GIMAP2: variants seen among roughly 807,000 people sequenced by gnomAD.
GIMAP2 encodes GTPase, IMAP family member 2, also known as GTPase IMAP family member 2.
Under a neutral mutation model 25.5 loss-of-function variants are expected in GIMAP2, and 22 were observed. The observed-to-expected ratio is 0.86, with a 90% CI of 0.62 to 1.23. GIMAP2 has a LOEUF of 1.23. GIMAP2 is among the 50% of genes most tolerant of loss of function. GIMAP2 has a pLI of 0.00. For missense variants in GIMAP2, 422 were observed against 395.7 expected (o/e 1.07, Z -0.56); for synonymous variants, 167 against 143.0 (o/e 1.17, Z -1.20).
At chr7:150,688,928 CT>C (rs1796935592) in intron 2 of GIMAP2, among the ~76,000 whole-genome samples, 1 of 152,236 alleles carries the variant, frequency 6.6e-6, no homozygotes, top group African/African-American at 2.4e-5. Flanking sequence ...CATGGCACCC[CT>C]GGCTTCCTCT....
chr7:150,687,174 TTGG>T, intron 2 of GIMAP2, 87 bp downstream of exon 2: 4 of 1,173,646 alleles, frequency 3.4e-6, no homozygotes, highest in Non-Finnish European at 5.0e-6. Flanking sequence ...TCTGATGATG[TTGG>T]GGCAAAATAA....
chr7:150,692,220 G>A (rs1585208302), intron 2 of GIMAP2, 95 bp from the exon 3 acceptor site: 34 of 1,233,520 alleles, frequency 2.8e-5, no homozygotes, highest in African/African-American at 1.1e-4. Context: ...GCGAGACTCC[G>A]TCTCAAAAAA....
chr7:150,691,138 G>C (rs566835646), intron 2 of GIMAP2, among the ~76,000 whole-genome samples: 1 of 152,128 alleles, frequency 6.6e-6, no homozygotes, highest in African/African-American at 2.4e-5. Context: ...TACAGTAAAG[G>C]AATCAAGGGG....
At chr7:150,687,936 G>T (rs1203445334) in intron 2 of GIMAP2, among the ~76,000 whole-genome samples, 1 of 151,972 alleles carries the variant, frequency 6.6e-6, no homozygotes, top group South Asian at 2.1e-4. Flanking sequence ...CTTACATCAA[G>T]AAGAGCCCAG....
intron 2 of GIMAP2, among the ~76,000 whole-genome samples, chr7:150,691,472 A>G (rs1563355258): frequency 6.6e-6 from 1 of 152,254 alleles, no homozygotes; most frequent in Non-Finnish European, 1.5e-5. Flanking sequence ...TACCAAAATT[A>G]TGCCATGCTT....
Position 150,692,991 on chromosome 7 carries a change from A to C in GIMAP2, c.705A>C (p.Arg235Ser), listed in dbSNP as rs1156473684. 2 of 1,613,992 alleles carry C rather than the reference A, an allele frequency of 1.2e-6. No homozygotes were observed. Among genetic ancestry groups the C allele is most frequent in the African/African-American group, 2.7e-5 (2 of 74,956 alleles). ...GTGGACCTGTGGGATCAGATGAAAG[A>C]GTAAAGGAATTCAAACAGAGCCTTA... ...SKCGPVGSDE[R>S]VKEFKQSLIK... The change falls in exon 3 of 3, where the codon AGA becomes AGC. Residue 235 changes from arginine to serine, a missense_variant. Transcript: ENST00000223293.
At chr7:150,692,193 C>A in intron 2 of GIMAP2, 122 bp from the exon 3 acceptor site, 4 of 941,868 alleles carry the variant, frequency 4.2e-6, no homozygotes, top group Middle Eastern at 6.3e-4. Flanking sequence ...CCATTGCACT[C>A]CAGCCTGGGC....
chr7:150,689,887 G>A (rs1032138897), intron 2 of GIMAP2, among the ~76,000 whole-genome samples: 1 of 152,046 alleles, frequency 6.6e-6, no homozygotes, highest in Admixed American at 6.6e-5. Flanking sequence ...TGTAAAATAA[G>A]GTGAATAAAA....
intron 2 of GIMAP2, chr7:150,687,439 A>ATTT: frequency 5.2e-6 from 1 of 190,822 alleles, no homozygotes; most frequent in Non-Finnish European, 1.1e-5. Context: ...CGCCCAGCTA[A>ATTT]TTTTTTTTTG....
chr7:150,692,063 A>G (rs1407916418), intron 2 of GIMAP2, among the ~76,000 whole-genome samples: 5 of 24,108 alleles, frequency 2.1e-4, no homozygotes, highest in African/African-American at 4.2e-4. Context: ...TAAAACTACC[A>G]AAAAAAAAAA....
Position 150,692,554 on chromosome 7 carries a change from G to A in GIMAP2, c.268G>A (p.Ala90Thr), listed in dbSNP as rs1796979062. 1 of 1,614,148 alleles carries A rather than the reference G, an allele frequency of 6.2e-7. No individual in the cohort carries two copies. The highest frequency in any genetic ancestry group is 8.5e-7 in the Non-Finnish European group (1 of 1,180,008). ...GTTTTCTTGGAAGGACCACTGTGAA[G>A]CTCTGTACAAAGAGGTGCAGAGGTG... ...DMFSWKDHCEALYKEVQRCYL... is the reference protein window; with the variant it reads ...DMFSWKDHCETLYKEVQRCYL... Residue 90 changes from alanine to threonine, a missense_variant, in exon 3 of 3, where the codon GCT becomes ACT. Ala to Thr is a moderately conservative substitution (Grantham distance 58). Transcript: ENST00000223293.
chr7:150,692,692 G>A lies in GIMAP2; in HGVS notation c.406G>A (p.Asp136Asn), dbSNP rs1182346554. The change falls in exon 3 of 3, where the codon GAT (aspartate) becomes AAT (asparagine). Residue 136 changes from aspartate to asparagine, a missense_variant. Asp to Asn is a conservative substitution (Grantham distance 23). Transcript: ENST00000223293. Reference protein sequence around the residue: ...AQRVKEIFGEDAMGHTIVLFT... With the variant: ...AQRVKEIFGENAMGHTIVLFT... ...GAGGGTGAAGGAGATCTTTGGAGAG[G>A]ATGCCATGGGACACACAATTGTCCT... is the stretch of plus-strand genomic sequence containing the variant. 2 of 1,614,084 alleles carry A rather than the reference G, an allele frequency of 1.2e-6. No individual in the cohort carries two copies. The highest frequency in any genetic ancestry group is 2.2e-5 in the East Asian group (1 of 44,904).
chr7:150,687,770 T>C (rs939983576), intron 2 of GIMAP2, among the ~76,000 whole-genome samples: 4 of 151,836 alleles, frequency 2.6e-5, no homozygotes, highest in African/African-American at 7.3e-5. Flanking sequence ...TCTCTATCAT[T>C]CCCTTCTCTT....
At chr7:150,690,008 C>G (rs1796947473) in intron 2 of GIMAP2, among the ~76,000 whole-genome samples, 1 of 152,142 alleles carries the variant, frequency 6.6e-6, no homozygotes, top group African/African-American at 2.4e-5. Flanking sequence ...TAAAATGTCT[C>G]TAACATTATT....
At chr7:150,689,434 A>C in intron 2 of GIMAP2, 1 of 694,742 alleles carries the variant, frequency 1.4e-6, no homozygotes, top group Non-Finnish European at 2.6e-6. Flanking sequence ...GAGGCCAGCA[A>C]CTCAGGACTC....
intron 2 of GIMAP2, 79 bp from the exon 3 acceptor site, chr7:150,692,236 A>G: frequency 5.9e-6 from 8 of 1,364,760 alleles, no homozygotes; most frequent in Non-Finnish European, 7.9e-6. Context: ...AAAAAAAAAG[A>G]AAAAGAAATG....
chr7:150,693,133 T>C lies in GIMAP2; in HGVS notation c.847T>C (p.Leu283=). The part of the protein sequence containing the change: ...VLFCIQLFLR[L]IILWLCILHS... ...ATTTTGTATTCAGTTGTTTCTCAGA[T>C]TGATAATTCTGTGGCTTTGCATACT... Residue 283 remains leucine, a synonymous_variant, in exon 3 of 3, where the codon TTG becomes CTG. Transcript: ENST00000223293. 1 of 1,613,582 alleles carries C rather than the reference T, an allele frequency of 6.2e-7. No individual in the cohort carries two copies. Among genetic ancestry groups the C allele is most frequent in the Non-Finnish European group, 8.5e-7 (1 of 1,179,476 alleles).
chr7:150,691,067 G>C (rs936104149), intron 2 of GIMAP2, among the ~76,000 whole-genome samples: 7 of 152,342 alleles, frequency 4.6e-5, no homozygotes, highest in Middle Eastern at 3.4e-3. Context: ...ATTCCCTCCA[G>C]AAAGATTCTC....
rs1479508963 is a variant in GIMAP2 at position 150,693,234 on chromosome 7, A to G, written c.948A>G (p.Ile316Met). 1 of 1,603,224 alleles carries G rather than the reference A, an allele frequency of 6.2e-7. No homozygotes were observed. Among genetic ancestry groups the G allele is most frequent in the Non-Finnish European group, 8.5e-7 (1 of 1,175,476 alleles). The change falls in exon 3 of 3, where the codon ATA (isoleucine) becomes ATG (methionine). Residue 316 changes from isoleucine to methionine, a missense_variant. Ile to Met is a conservative substitution (Grantham distance 10, BLOSUM62 1). Transcript: ENST00000223293. ...TATTCTGCAGTTTGCTGTTTATTATACCCAAAAAGTTAATGATATTTTTGA... is the reference window on the plus strand; with the variant it reads ...TATTCTGCAGTTTGCTGTTTATTATGCCCAAAAAGTTAATGATATTTTTGA... ...CNLFCSLLFI[I>M]PKKLMIFLRT...
Sources: gnomAD v4.1 joint callset for allele counts (sites outside exome capture counted in the v4.1 genomes callset) on GRCh38, gnomAD v4.1.1 for gene constraint, MANE v1.5 for transcripts, NCBI Gene and HGNC (gene_info 2026-07-23, HGNC 2026-07-21) for gene names.